ADK: variants seen among roughly 807,000 people sequenced by gnomAD.
The protein encoded by ADK is N6,N6-dimethyladenosine kinase.
Under a neutral mutation model 44.7 loss-of-function variants are expected in ADK, and 24 were observed. The ratio of observed to expected loss-of-function variants is 0.54; its 90% CI spans 0.39 to 0.76. ADK has a LOEUF of 0.76. Ranked by LOEUF, ADK falls within the 30% of genes least tolerant of loss-of-function variation. The pLI, the probability that ADK is intolerant of heterozygous loss-of-function variation, is 0.00. For missense variants in ADK, 321 were observed against 425.1 expected (o/e 0.76, Z 2.15); for synonymous variants, 128 against 142.6 (o/e 0.90, Z 0.73).
At chr10:74,279,168 A>C (rs971390265) in intron 3 of ADK, among the ~76,000 whole-genome samples, 2 of 151,620 alleles carry the variant, frequency 1.3e-5, no homozygotes, top group Non-Finnish European at 2.9e-5. Flanking sequence ...AATCCCAGCT[A>C]CTCGGGAGGC....
chr10:74,446,091 G>A (rs1845577151), intron 6 of ADK, among the ~76,000 whole-genome samples: 2 of 152,022 alleles, frequency 1.3e-5, no homozygotes, highest in South Asian at 4.1e-4. Context: ...TCTGCTAGTT[G>A]AATGCTGAAA....
At chr10:74,674,324 T>C (rs1452265775) in intron 10 of ADK, among the ~76,000 whole-genome samples, 1 of 152,208 alleles carries the variant, frequency 6.6e-6, no homozygotes, top group Non-Finnish European at 1.5e-5. Context: ...CAGGAGCCTT[T>C]CTACTGGGAT....
At chr10:74,676,029 C>G (rs1855375654) in intron 10 of ADK, among the ~76,000 whole-genome samples, 1 of 132,846 alleles carries the variant, frequency 7.5e-6, no homozygotes, top group Non-Finnish European at 1.6e-5. Context: ...ACCCAAGAAC[C>G]AACATTCTTA....
At chr10:74,435,551 A>G (rs765756104) in intron 6 of ADK, among the ~76,000 whole-genome samples, 22 of 152,212 alleles carry the variant, frequency 1.4e-4, no homozygotes, top group Non-Finnish European at 2.2e-4. Context: ...AAATTTATTG[A>G]AAAACATTTG....
At chr10:74,640,726 ATGGGTGTGGC>A (rs1853813561) in intron 9 of ADK, among the ~76,000 whole-genome samples, 1 of 152,244 alleles carries the variant, frequency 6.6e-6, no homozygotes, top group Non-Finnish European at 1.5e-5. Flanking sequence ...ATATAAACAA[ATGGGTGTGGC>A]TGTATTCCAA....
At chr10:74,625,291 G>C (rs1444597984) in intron 9 of ADK, among the ~76,000 whole-genome samples, 1 of 152,122 alleles carries the variant, frequency 6.6e-6, no homozygotes, top group Non-Finnish European at 1.5e-5. Context: ...GATTACAAAG[G>C]TATTCAAAGT....
intron 7 of ADK, among the ~76,000 whole-genome samples, chr10:74,580,227 C>T (rs1298069243): frequency 5.9e-5 from 9 of 152,110 alleles, no homozygotes; most frequent in Admixed American, 1.3e-4. Context: ...GCAAGTCTTT[C>T]CCATCCTATT....
At chr10:74,188,768 TCATTCATTCATA>T (rs1842856339) in intron 1 of ADK, among the ~76,000 whole-genome samples, 1 of 151,948 alleles carries the variant, frequency 6.6e-6, no homozygotes, top group Non-Finnish European at 1.5e-5. Context: ...TTCATTTCAT[TCATTCATTCATA>T]CATTCATTCA....
intron 4 of ADK, among the ~76,000 whole-genome samples, chr10:74,344,258 A>AT (rs1841684168): frequency 6.6e-6 from 1 of 152,082 alleles, no homozygotes; most frequent in Admixed American, 6.6e-5. Flanking sequence ...ATTGGTATTA[A>AT]TTTTTTTAAA....
At chr10:74,471,320 T>G (rs148933831) in intron 6 of ADK, among the ~76,000 whole-genome samples, 2 of 152,042 alleles carry the variant, frequency 1.3e-5, no homozygotes, top group Admixed American at 6.5e-5. Flanking sequence ...GTGATCCACC[T>G]GCCTCAGCCT....
chr10:74,578,461 A>C (rs1173572034), intron 7 of ADK, among the ~76,000 whole-genome samples: 1 of 152,106 alleles, frequency 6.6e-6, no homozygotes, highest in Admixed American at 6.5e-5. Flanking sequence ...ATGAAAGTCC[A>C]AGTAGTATGG....
chr10:74,368,425 A>T (rs1842560252), intron 4 of ADK, among the ~76,000 whole-genome samples: 1 of 151,180 alleles, frequency 6.6e-6, no homozygotes, highest in African/African-American at 2.4e-5. Context: ...AACCTTTTGC[A>T]GTGTTTTTTT....
intron 9 of ADK, among the ~76,000 whole-genome samples, chr10:74,667,594 G>A (rs896589234): frequency 1.3e-5 from 2 of 149,432 alleles, no homozygotes; most frequent in African/African-American, 4.9e-5. Context: ...GTGTAGTGGT[G>A]CGATCTTGGC....
rs1415747576 is a variant in ADK at position 74,159,641 on chromosome 10, G to T, written c.65+8298G>T. On this transcript the variant is annotated intron_variant, in intron 1 of 10. Transcript: ENST00000539909. ...GGAGTCTTGATCTGTCACCCAGGCTGGAGTGCGGTGGCACGATCTCAGCTC... is the reference window on the plus strand; with the variant it reads ...GGAGTCTTGATCTGTCACCCAGGCTTGAGTGCGGTGGCACGATCTCAGCTC... 2.0e-5 allele frequency among the ~76,000 whole-genome samples: 3 copies of T among 151,554 alleles called. No homozygotes were observed. In the East Asian group the frequency reaches 5.8e-4, roughly 29 times the overall value.
intron 1 of ADK, among the ~76,000 whole-genome samples, chr10:74,198,008 G>T (rs1047762236): frequency 2.0e-5 from 3 of 152,110 alleles, no homozygotes; most frequent in African/African-American, 7.2e-5. Context: ...TAGTTTTGTG[G>T]TTATATGACT....
intron 3 of ADK, among the ~76,000 whole-genome samples, chr10:74,313,357 T>TA (rs1840510566): frequency 1.3e-5 from 2 of 152,096 alleles, no homozygotes; most frequent in Admixed American, 6.5e-5. Flanking sequence ...AACATCTCCT[T>TA]AGTAATTTTT....
At chr10:74,321,732 T>C (rs1387095066) in intron 4 of ADK, among the ~76,000 whole-genome samples, 2 of 152,226 alleles carry the variant, frequency 1.3e-5, no homozygotes, top group Non-Finnish European at 2.9e-5. Context: ...TTAAGAGGAC[T>C]GCCTAAATGC....
intron 3 of ADK, among the ~76,000 whole-genome samples, chr10:74,273,860 C>A (rs1158147167): frequency 6.6e-6 from 1 of 152,166 alleles, no homozygotes; most frequent in Non-Finnish European, 1.5e-5. Context: ...AACAGGCAGG[C>A]GTATCGGCTT....
chr10:74,258,947 G>GTTTTTTTTTTT (rs141424052), intron 3 of ADK, among the ~76,000 whole-genome samples: 2 of 96,126 alleles, frequency 2.1e-5, no homozygotes, highest in African/African-American at 3.8e-5. Flanking sequence ...TTGTTTTTGT[G>GTTTTTTTTTTT]TTTTTTTTTT....
Sources: gnomAD v4.1 joint callset for allele counts (sites outside exome capture counted in the v4.1 genomes callset) on GRCh38, gnomAD v4.1.1 for gene constraint, MANE v1.5 for transcripts, NCBI Gene and HGNC (gene_info 2026-07-23, HGNC 2026-07-21) for gene names.